OTOGL: variants seen among roughly 807,000 people sequenced by gnomAD.
The protein encoded by OTOGL is otogelin like, also known as otogelin-like protein.
OTOGL carries 285 observed loss-of-function variants against 318.5 expected under a neutral mutation model. That is an observed-to-expected ratio of 0.89 (90% CI 0.81 to 0.99). The LOEUF is 0.99. Ranked by LOEUF, OTOGL falls within the 50% of genes least tolerant of loss-of-function variation. The probability of loss-of-function intolerance (pLI) is 0.00; values close to 1 mark genes in which losing one functional copy is unlikely to be tolerated. For missense variants in OTOGL, 2,899 were observed against 2,845.6 expected (o/e 1.02, Z -0.43); for synonymous variants, 987 against 936.5 (o/e 1.05, Z -0.99).
At chr12:80,328,852 A>C in intron 36 of OTOGL, 108 bp downstream of exon 36, 5 of 1,141,754 alleles carry the variant, frequency 4.4e-6, no homozygotes, top group Non-Finnish European at 6.3e-6. Context: ...ATCAACTCTC[A>C]TAAGATTATT....
intron 17 of OTOGL, among the ~76,000 whole-genome samples, chr12:80,256,744 CT>C (rs1353197909): frequency 1.3e-5 from 2 of 151,988 alleles, no homozygotes; most frequent in Non-Finnish European, 2.9e-5. Flanking sequence ...TACATAAAGA[CT>C]TTGGGGAGTC....
intron 1 of OTOGL, chr12:80,208,139 G>C (rs1455877088): frequency 2.0e-6 from 1 of 490,216 alleles, no homozygotes; most frequent in Non-Finnish European, 4.1e-6. Flanking sequence ...GTATTTTCAT[G>C]CTTAAGCTTT....
At chr12:80,111,604 T>C (rs1210733785) in intron 1 of OTOGL, among the ~76,000 whole-genome samples, 1 of 152,238 alleles carries the variant, frequency 6.6e-6, no homozygotes, top group Non-Finnish European at 1.5e-5. Flanking sequence ...TCCATTGGTC[T>C]ATATATCTGT....
chr12:80,339,015 T>G, intron 42 of OTOGL, 60 bp from the exon 43 acceptor site: 1 of 1,300,504 alleles, frequency 7.7e-7, no homozygotes, highest in Non-Finnish European at 1.1e-6. Flanking sequence ...ATAATCTGTA[T>G]TCTCCTAATT....
At chr12:80,292,934 T>A (rs1162296703) in intron 26 of OTOGL, among the ~76,000 whole-genome samples, 2 of 152,208 alleles carry the variant, frequency 1.3e-5, no homozygotes, top group Admixed American at 6.5e-5. Flanking sequence ...GGAGCCCTAA[T>A]ACCCAAAAAG....
At chr12:80,359,459 G>A (rs978714465) in intron 52 of OTOGL, among the ~76,000 whole-genome samples, 1 of 152,060 alleles carries the variant, frequency 6.6e-6, no homozygotes, top group African/African-American at 2.4e-5. Flanking sequence ...ATGCCGATAA[G>A]GCTTGAGAAA....
chr12:80,249,921 C>G (rs953613441), intron 11 of OTOGL, among the ~76,000 whole-genome samples: 2 of 152,062 alleles, frequency 1.3e-5, no homozygotes, highest in Non-Finnish European at 2.9e-5. Flanking sequence ...GGGAGTGACC[C>G]GATTTTCCAG....
chr12:80,112,264 G>A (rs192885229), intron 1 of OTOGL, among the ~76,000 whole-genome samples: 1 of 152,282 alleles, frequency 6.6e-6, no homozygotes, highest in Admixed American at 6.5e-5. Flanking sequence ...GCCCTAGCCA[G>A]AACTTCCAGT....
In OTOGL at chr12:80,228,075, A is replaced by G. The variant is rs189319330; in HGVS notation, c.490-1182A>G. 1.9e-4 allele frequency among the ~76,000 whole-genome samples: 29 copies of G among 152,326 alleles called. 1 individual carries two copies. Among genetic ancestry groups the G allele is most frequent in the Admixed American group, 2.6e-4 (4 of 15,290 alleles). On this transcript the variant is annotated intron_variant, in intron 7 of 58. Transcript: ENST00000547103. Reference sequence around the variant, plus strand: ...CAGTACCTAGAACAGTGCCTGGTACATAATAAATGATCAATACAATTTGCT... The same window carrying G: ...CAGTACCTAGAACAGTGCCTGGTACGTAATAAATGATCAATACAATTTGCT...
Position 80,252,059 on chromosome 12 carries a change from CTGT to C in OTOGL, c.1160-15_1160-13del. ...GCTAATAAAATTGACTTAAGCTCCC[CTGT>C]TTGTCTGTTTTAGCTGATAAATGTG... On this transcript the variant is annotated splice_polypyrimidine_tract_variant and intron_variant, in intron 12 of 58. Coordinates refer to ENST00000547103, the MANE Select transcript of OTOGL (RefSeq NM_001378609.3). 10 of 1,515,026 alleles carry C rather than the reference CTGT, an allele frequency of 6.6e-6. No individual in the cohort carries two copies. The highest frequency in any genetic ancestry group is 8.9e-6 in the Non-Finnish European group (10 of 1,128,840). 93.8% of individuals were successfully genotyped at this position (1,515,026 alleles called of 1,614,324 possible).
chr12:80,373,959 A>G (rs1240978197), intron 57 of OTOGL, among the ~76,000 whole-genome samples: 5 of 152,146 alleles, frequency 3.3e-5, no homozygotes, highest in Admixed American at 6.6e-5. Context: ...TTTTATTTAC[A>G]TAATGTCTAA....
intron 1 of OTOGL, among the ~76,000 whole-genome samples, chr12:80,146,605 A>G (rs929292712): frequency 9.2e-5 from 14 of 151,812 alleles, no homozygotes; most frequent in Middle Eastern, 6.8e-3. Context: ...CTCTTTTTCT[A>G]TTGATTGGAA....
chr12:80,210,292 G>T (rs1005548437), intron 2 of OTOGL, among the ~76,000 whole-genome samples: 4 of 152,180 alleles, frequency 2.6e-5, no homozygotes, highest in African/African-American at 9.6e-5. Flanking sequence ...AATGGGCAAA[G>T]AATTGATTTA....
intron 9 of OTOGL, among the ~76,000 whole-genome samples, chr12:80,233,852 C>T (rs780300577): frequency 2.0e-5 from 3 of 152,116 alleles, no homozygotes; most frequent in Non-Finnish European, 4.4e-5. Context: ...TGAGGAAACT[C>T]ATTTAATCAC....
intron 6 of OTOGL, among the ~76,000 whole-genome samples, chr12:80,220,581 A>AT (rs745404963): frequency 1.3e-5 from 2 of 148,352 alleles, no homozygotes; most frequent in African/African-American, 5.0e-5. Context: ...TATGTAAAAA[A>AT]ATAGTACTGA....
chr12:80,251,734 A>T lies in OTOGL; in HGVS notation c.1094A>T (p.Tyr365Phe), dbSNP rs759297035. Reference protein sequence around the residue: ...DETYCRAATEYARACSHAGYP... With the variant: ...DETYCRAATEFARACSHAGYP... ...ACCTATTGCCGAGCAGCCACTGAGT[A>T]TGCTAGAGCCTGCTCTCATGCTGGC... Residue 365 changes from tyrosine to phenylalanine, a missense_variant, in exon 12 of 59, where the codon TAT becomes TTT. Physicochemically the swap from Tyr to Phe is conservative, Grantham distance 22 (BLOSUM62 3). Coordinates refer to ENST00000547103, the MANE Select transcript of OTOGL (RefSeq NM_001378609.3). 4 of 1,596,288 alleles carry T rather than the reference A, an allele frequency of 2.5e-6. No homozygotes were observed. Among genetic ancestry groups the T allele is most frequent in the Non-Finnish European group, 3.4e-6 (4 of 1,170,626 alleles).
At chr12:80,140,116 C>T (rs1871837096) in intron 1 of OTOGL, among the ~76,000 whole-genome samples, 1 of 152,122 alleles carries the variant, frequency 6.6e-6, no homozygotes, top group South Asian at 2.1e-4. Flanking sequence ...CTTGCCTCTC[C>T]CCTTTACTTT....
At chr12:80,331,428 A>G (rs191517795) in intron 37 of OTOGL, among the ~76,000 whole-genome samples, 1 of 144,894 alleles carries the variant, frequency 6.9e-6, no homozygotes, top group Admixed American at 7.3e-5. Context: ...GCAACCTCCA[A>G]CTCCCAAGTT....
intron 1 of OTOGL, among the ~76,000 whole-genome samples, chr12:80,156,586 GT>G (rs1382225981): frequency 6.6e-6 from 1 of 152,154 alleles, no homozygotes; most frequent in Admixed American, 6.5e-5. Context: ...ATGAGGAGAA[GT>G]CTTTCCCATG....
Sources: gnomAD v4.1 joint callset for allele counts (sites outside exome capture counted in the v4.1 genomes callset) on GRCh38, gnomAD v4.1.1 for gene constraint, MANE v1.5 for transcripts, NCBI Gene and HGNC (gene_info 2026-07-23, HGNC 2026-07-21) for gene names.